The following NAALADL2 variants were observed in gnomAD, a reference collection of about 807,000 sequenced individuals.
NAALADL2 encodes N-acetylated alpha-linked acidic dipeptidase like 2.
A neutral mutation model predicts 87.2 loss-of-function variants in NAALADL2; 76 were observed. The observed-to-expected ratio is 0.87, with a 90% CI of 0.72 to 1.05. The LOEUF (loss-of-function observed/expected upper bound fraction) is 1.05. NAALADL2 is among the 50% of genes least tolerant of loss of function. The pLI is 0.00. For missense variants in NAALADL2, 1,089 were observed against 945.8 expected, an observed-to-expected ratio of 1.15 and a Z score of -1.99; for synonymous variants, 354 against 331.0, an observed-to-expected ratio of 1.07 and a Z score of -0.75.
rs71164618 is a variant in NAALADL2 at position 175,160,360 on chromosome 3, CTTTTTTTTTTTTTTT to C, written c.545+63083_545+63097del. On this transcript the variant is annotated intron_variant, in intron 2 of 13. Coordinates refer to ENST00000454872, the MANE Select transcript of NAALADL2 (RefSeq NM_207015.3). ...TATATTATATGTGTATCTTTTCTTTCTTTTTTTTTTTTTTTTTTTTTTTTTTTTGAGTTAGAGGTT... is the reference window on the plus strand; with the variant it reads ...TATATTATATGTGTATCTTTTCTTTCTTTTTTTTTTTTTGAGTTAGAGGTT... 8.0e-3 allele frequency among the ~76,000 whole-genome samples: 454 copies of C among 57,054 alleles called. 7 individuals are homozygous for C. The highest frequency in any genetic ancestry group is 0.024 in the African/African-American group (438 of 18,618). 37.4% of individuals were successfully genotyped at this position (57,054 alleles called of 152,430 possible).
At chr3:174,996,405 G>C (rs573881062) in intron 1 of NAALADL2, among the ~76,000 whole-genome samples, 3 of 151,782 alleles carry the variant, frequency 2.0e-5, no homozygotes, top group African/African-American at 7.3e-5. Flanking sequence ...GCTGAGGCAG[G>C]AGAATGGCAT....
chr3:174,879,527 A>C (rs1266967622), intron 1 of NAALADL2, among the ~76,000 whole-genome samples: 3 of 152,114 alleles, frequency 2.0e-5, no homozygotes, highest in African/African-American at 4.8e-5. Flanking sequence ...TAATTTTGAA[A>C]TGTAAATTAA....
intron 9 of NAALADL2, among the ~76,000 whole-genome samples, chr3:175,490,545 C>T (rs1400294319): frequency 6.8e-6 from 1 of 146,790 alleles, no homozygotes; most frequent in Non-Finnish European, 1.5e-5. Context: ...CGCCACCACG[C>T]CTGGCTAGTT....
At chr3:174,717,511 A>C (rs549587827) in intron 2 of NAALADL2, among the ~76,000 whole-genome samples, 5 of 152,326 alleles carry the variant, frequency 3.3e-5, no homozygotes, top group South Asian at 4.1e-4. Context: ...GAAAAGATCA[A>C]ATACTTAATC....
At chr3:175,232,163 G>A (rs886892465) in intron 2 of NAALADL2, among the ~76,000 whole-genome samples, 1 of 151,322 alleles carries the variant, frequency 6.6e-6, no homozygotes, top group African/African-American at 2.4e-5. Context: ...GAAGAAGGGG[G>A]AGGAGGAGGA....
rs35213579 is a variant in NAALADL2, at chr3:175,471,618, CTT to C, written c.1534-12_1534-11del. 477 of 1,238,728 alleles carry C rather than the reference CTT, an allele frequency of 3.9e-4. 2 individuals carry two copies. Among genetic ancestry groups the C allele is most frequent in the South Asian group, 7.0e-4 (53 of 75,350 alleles). The allele number at this position is 1,238,728 out of a possible 1,614,324, so 76.7% of individuals were successfully genotyped here. Reference sequence around the variant, plus strand: ...TATTTATTTGTCTTACAGATAGATCCTTTTTTTTTTGTTATTTCAGGATTTCA... The same window carrying C: ...TATTTATTTGTCTTACAGATAGATCCTTTTTTTTGTTATTTCAGGATTTCA... On this transcript the variant is annotated intron_variant, in intron 8 of 13. Transcript: ENST00000454872.
rs1560475249 is a variant in NAALADL2, at chr3:175,013,144, A to AATACATATTTATATATAAAT, written c.44-83643_44-83624dup. ...TATACATATTTATATATAAATATGT[A>AATACATATTTATATATAAAT]ATACATATTTATATATAAATATGTA... On this transcript the variant is annotated intron_variant, in intron 1 of 13. Coordinates refer to ENST00000454872, the MANE Select transcript of NAALADL2 (RefSeq NM_207015.3). Among the ~76,000 whole-genome samples the AATACATATTTATATATAAAT allele has an allele frequency of 6.9e-4, 59 of 86,046 alleles. 5 individuals are homozygous for AATACATATTTATATATAAAT. The highest frequency in any genetic ancestry group is 1.0e-3 in the Non-Finnish European group (44 of 43,806). 56.4% of individuals were successfully genotyped at this position (86,046 alleles called of 152,430 possible). A position where few individuals can be genotyped will look rare whatever the true frequency, so the allele number is the denominator to read the frequency against.
At chr3:175,651,118 T>A (rs9942137) in intron 11 of NAALADL2, among the ~76,000 whole-genome samples, 42,036 of 151,808 alleles carry the variant, frequency 0.28, 6,969 homozygotes, top group African/African-American at 0.47. Context: ...CCTGAAAAAA[T>A]TTTTTTAGTA....
Position 174,696,970 on chromosome 3 carries a change from ATCT to A in NAALADL2, c.-114-40667_-114-40665del, listed in dbSNP as rs536524468. On this transcript the variant is annotated intron_variant, in intron 2 of 3. Coordinates refer to the NAALADL2 transcript ENST00000434257. ...TTTAAGCAGAACAAGAACAAGGCAA[ATCT>A]TCTAATCAAGTAGACTCATACAAAA... Among the ~76,000 whole-genome samples, 253 of 152,284 alleles carry A rather than the reference ATCT, an allele frequency of 1.7e-3. 3 individuals are homozygous for A. Among genetic ancestry groups the A allele is most frequent in the African/African-American group, 5.9e-3 (244 of 41,560 alleles).
At chr3:174,883,159 C>G (rs552027228) in intron 1 of NAALADL2, among the ~76,000 whole-genome samples, 1 of 152,068 alleles carries the variant, frequency 6.6e-6, no homozygotes, top group South Asian at 2.1e-4. Flanking sequence ...GCCATGCTAG[C>G]CACTGATTAG....
In NAALADL2 at chr3:175,304,351, T is replaced by G. The variant is rs150881031; in HGVS notation, c.940-19824T>G. The stretch of plus-strand genomic sequence containing the variant: ...CCCTTCTTTCTTTTCCATTATCTTC[T>G]CTCTGGAGAAGTTACAGCTATGTAT... On this transcript the variant is annotated intron_variant, in intron 4 of 13. Coordinates refer to ENST00000454872, the MANE Select transcript of NAALADL2 (RefSeq NM_207015.3). Among the ~76,000 whole-genome samples, 881 of 152,274 alleles carry G rather than the reference T, an allele frequency of 5.8e-3. 8 individuals carry two copies. The highest frequency in any genetic ancestry group is 0.02 in the African/African-American group (839 of 41,548).
chr3:175,721,752 A>G (rs1412843796), intron 11 of NAALADL2, among the ~76,000 whole-genome samples: 2 of 152,078 alleles, frequency 1.3e-5, no homozygotes, highest in African/African-American at 2.4e-5. Flanking sequence ...ATAAATTGGT[A>G]TAATATAAGA....
chr3:175,068,275 A>C (rs1273318313), intron 1 of NAALADL2, among the ~76,000 whole-genome samples: 1 of 152,090 alleles, frequency 6.6e-6, no homozygotes, highest in Non-Finnish European at 1.5e-5. Context: ...TAGAATAAAA[A>C]ATTAGTTTTT....
chr3:175,035,202 G>T lies in NAALADL2; in HGVS notation c.44-61588G>T, dbSNP rs142145509. 2.0e-3 allele frequency among the ~76,000 whole-genome samples: 302 copies of T among 152,262 alleles called. 1 individual carries two copies. Among genetic ancestry groups the T allele is most frequent in the African/African-American group, 6.8e-3 (283 of 41,548 alleles). Reference sequence around the variant, plus strand: ...CTATGCCTAGGTTGAAAATTGGGATGCAACACAATAGAGTTCAGATATAAA... The same window carrying T: ...CTATGCCTAGGTTGAAAATTGGGATTCAACACAATAGAGTTCAGATATAAA... On this transcript the variant is annotated intron_variant, in intron 1 of 13. Transcript: ENST00000454872.
intron 10 of NAALADL2, among the ~76,000 whole-genome samples, chr3:175,577,250 C>A (rs62285576): frequency 0.14 from 21,630 of 152,136 alleles, 1,666 homozygotes; most frequent in Middle Eastern, 0.18. Context: ...TATTTAGGGA[C>A]TCTACAGAGC....
At chr3:175,324,112 T>G (rs1282011553) in intron 4 of NAALADL2, 63 bp from the exon 5 acceptor site, 1 of 1,329,194 alleles carries the variant, frequency 7.5e-7, no homozygotes, top group Admixed American at 2.1e-5. Flanking sequence ...ATTGGCAAAA[T>G]GGCACTATAT....
At chr3:175,699,540 G>A (rs1232321599) in intron 11 of NAALADL2, among the ~76,000 whole-genome samples, 1 of 151,960 alleles carries the variant, frequency 6.6e-6, no homozygotes, top group Non-Finnish European at 1.5e-5. Flanking sequence ...TACCACACTA[G>A]CCCTCTACCC....
At chr3:174,490,545 A>G (rs1221208777) in intron 1 of NAALADL2, among the ~76,000 whole-genome samples, 1 of 152,134 alleles carries the variant, frequency 6.6e-6, no homozygotes, top group Admixed American at 6.6e-5. Context: ...ATTGTGTTGT[A>G]TGTGAATTAG....
chr3:174,942,550 C>A (rs1738771375), intron 1 of NAALADL2, among the ~76,000 whole-genome samples: 1 of 151,904 alleles, frequency 6.6e-6, no homozygotes, highest in South Asian at 2.1e-4. Flanking sequence ...CAGGAGTTTT[C>A]TGTGTTTCCT....
Sources: gnomAD v4.1 joint callset for allele counts (sites outside exome capture counted in the v4.1 genomes callset) on GRCh38, gnomAD v4.1.1 for gene constraint, MANE v1.5 for transcripts, NCBI Gene and HGNC (gene_info 2026-07-23, HGNC 2026-07-21) for gene names.